The following TC2N variants were observed in gnomAD, a reference collection of about 807,000 sequenced individuals.
TC2N encodes the protein tandem C2 domains, nuclear, also known as tandem C2 domains nuclear protein.
A neutral mutation model predicts 61.9 loss-of-function variants in TC2N; 51 were observed. The observed-to-expected ratio is 0.82, with a 90% CI of 0.66 to 1.04. The LOEUF (loss-of-function observed/expected upper bound fraction) is 1.04, where lower values mean the gene tolerates loss of function less well. Ranked by LOEUF, TC2N falls within the 50% of genes least tolerant of loss-of-function variation. The pLI is 0.00. For synonymous variants in TC2N, 204 were observed against 192.6 expected (o/e 1.06, Z -0.49); for missense variants, 556 against 566.7 (o/e 0.98, Z 0.19).
chr14:91,824,666 G>A (rs575401522), intron 1 of TC2N, among the ~76,000 whole-genome samples: 3 of 152,306 alleles, frequency 2.0e-5, no homozygotes, highest in Admixed American at 6.5e-5. Context: ...CTTTTGGAGC[G>A]CTTACAACAG....
intron 1 of TC2N, among the ~76,000 whole-genome samples, chr14:91,853,278 A>C (rs958132309): frequency 1.3e-5 from 2 of 152,200 alleles, no homozygotes; most frequent in Admixed American, 6.5e-5. Context: ...AGGCAGAGGG[A>C]CCAGGTAACT....
rs201300826 is a variant in TC2N, at chr14:91,791,757, T to TAA, written c.1047+608_1047+609dup. On this transcript the variant is annotated intron_variant, in intron 9 of 11. Coordinates refer to ENST00000435962, the MANE Select transcript of TC2N (RefSeq NM_001128596.3). ...AAGTTATCAGCTACCTAAAAAAACTTAAAAAAAAAAAGGTTATTCATACTT... is the reference window on the plus strand; with the variant it reads ...AAGTTATCAGCTACCTAAAAAAACTTAAAAAAAAAAAAAGGTTATTCATACTT... Among the ~76,000 whole-genome samples the TAA allele has an allele frequency of 6.0e-3, 877 of 145,930 alleles. 27 individuals carry two copies. The South Asian group carries it at 0.081, about 13-fold the overall frequency.
intron 8 of TC2N, 49 bp downstream of exon 8, chr14:91,797,736 T>TAAAA: frequency 3.4e-6 from 3 of 888,848 alleles, no homozygotes; most frequent in East Asian, 2.9e-5. Context: ...GTGACAAATA[T>TAAAA]AAAAAAAAAA....
In TC2N at chr14:91,785,603, C is replaced by T. The variant is rs143221814; in HGVS notation, c.1163-242G>A. Among the ~76,000 whole-genome samples the T allele has an allele frequency of 4.1e-3, 617 of 152,126 alleles. 15 individuals carry two copies. The highest frequency in any genetic ancestry group is 0.038 in the Admixed American group (579 of 15,274). On this transcript the variant is annotated intron_variant, in intron 10 of 11. Transcript: ENST00000435962. Reference sequence around the variant, plus strand: ...AACTTAATCTTTCTGTGGCTGAATGCCATTAAAGACTGGAAATGGAGGCAT... The same window carrying T: ...AACTTAATCTTTCTGTGGCTGAATGTCATTAAAGACTGGAAATGGAGGCAT...
intron 11 of TC2N, 94 bp downstream of exon 11, chr14:91,785,068 T>TTTA: frequency 2.5e-6 from 2 of 810,742 alleles, no homozygotes; most frequent in Non-Finnish European, 3.9e-6. Flanking sequence ...AGAACTGTAC[T>TTTA]CTATTTGACT....
intron 1 of TC2N, among the ~76,000 whole-genome samples, chr14:91,832,892 C>T (rs752895808): frequency 6.6e-6 from 1 of 152,114 alleles, no homozygotes; most frequent in South Asian, 2.1e-4. Flanking sequence ...TGAAATTATG[C>T]GCGGCAATAA....
intron 1 of TC2N, among the ~76,000 whole-genome samples, chr14:91,841,641 C>A (rs987393329): frequency 1.3e-5 from 2 of 152,206 alleles, no homozygotes. Context: ...GAAGTGGCAG[C>A]TATGTATGGA....
chr14:91,845,063 C>G (rs1888242999), intron 1 of TC2N, among the ~76,000 whole-genome samples: 1 of 151,728 alleles, frequency 6.6e-6, no homozygotes, highest in South Asian at 2.1e-4. Context: ...ATGGCGAAAC[C>G]CCGTCTCCAC....
In TC2N at chr14:91,850,198, T is replaced by C. The variant is rs924418457; in HGVS notation, c.-57+17064A>G. Among the ~76,000 whole-genome samples, 11 of 149,024 alleles carry C rather than the reference T, an allele frequency of 7.4e-5. 1 individual carries two copies. In the South Asian group the frequency reaches 1.7e-3, roughly 23 times the overall value. On this transcript the variant is annotated intron_variant, in intron 1 of 11. Coordinates refer to ENST00000435962, the MANE Select transcript of TC2N (RefSeq NM_001128596.3). ...TCTCTTTCCTAAAAAAAAAAAGGGA[T>C]AATTATAATTGTTGCCCTAGCAACC... is the stretch of plus-strand genomic sequence containing the variant.
intron 3 of TC2N, among the ~76,000 whole-genome samples, chr14:91,802,819 G>GA (rs1886325001): frequency 6.6e-6 from 1 of 151,598 alleles, no homozygotes; most frequent in African/African-American, 2.4e-5. Context: ...GATACACCGA[G>GA]AAACTCTCAA....
chr14:91,800,937 G>A (rs907264998), intron 4 of TC2N, among the ~76,000 whole-genome samples: 1 of 113,606 alleles, frequency 8.8e-6, no homozygotes, highest in Admixed American at 9.7e-5. Flanking sequence ...CACTGGTTGA[G>A]AGAGATATAT....
chr14:91,857,129 G>A (rs1888498839), intron 1 of TC2N, among the ~76,000 whole-genome samples: 1 of 152,134 alleles, frequency 6.6e-6, no homozygotes. Context: ...CATTGTAAAG[G>A]CAGTTGGCCC....
At chr14:91,799,162 C>G in intron 5 of TC2N, 98 bp from the exon 6 acceptor site, 1 of 720,406 alleles carries the variant, frequency 1.4e-6, no homozygotes, top group Non-Finnish European at 2.2e-6. Flanking sequence ...AAACTGCATG[C>G]TAACTATTTT....
chr14:91,786,617 T>C (rs1449205215), intron 10 of TC2N, among the ~76,000 whole-genome samples: 2 of 152,192 alleles, frequency 1.3e-5, no homozygotes, highest in Non-Finnish European at 2.9e-5. Context: ...AGAAAGTCAT[T>C]TATTTTACAT....
intron 10 of TC2N, among the ~76,000 whole-genome samples, chr14:91,786,746 T>C (rs74855907): frequency 0.019 from 2,894 of 152,314 alleles, 88 homozygotes; most frequent in African/African-American, 0.065. Flanking sequence ...GTTTTCTCTA[T>C]TTTTTCACTT....
chr14:91,834,681 G>C (rs939411385), intron 1 of TC2N, among the ~76,000 whole-genome samples: 3 of 152,018 alleles, frequency 2.0e-5, no homozygotes, highest in African/African-American at 7.3e-5. Context: ...AAAGACAATA[G>C]GCACGTAATC....
intron 1 of TC2N, among the ~76,000 whole-genome samples, chr14:91,862,559 G>C (rs559802950): frequency 6.6e-6 from 1 of 152,124 alleles, no homozygotes; most frequent in Admixed American, 6.5e-5. Flanking sequence ...GAGCAGCCTC[G>C]AGGCAATTTC....
Position 91,838,043 on chromosome 14 carries a change from A to G in TC2N, c.-56-24218T>C, listed in dbSNP as rs535141296. On this transcript the variant is annotated intron_variant, in intron 1 of 11. Coordinates refer to ENST00000435962, the MANE Select transcript of TC2N (RefSeq NM_001128596.3). ...GTTGAAAATATTTAAAGGTCAGACA[A>G]CCAGTTAGTGGTTGCCCAAACATAC... Among the ~76,000 whole-genome samples the G allele has an allele frequency of 1.5e-4, 23 of 152,332 alleles. No homozygotes were observed. In the South Asian group the frequency reaches 4.6e-3, roughly 30 times the overall value.
chr14:91,822,271 A>G (rs1372895758), intron 1 of TC2N, among the ~76,000 whole-genome samples: 1 of 152,240 alleles, frequency 6.6e-6, no homozygotes, highest in Non-Finnish European at 1.5e-5. Context: ...AGATTAATCC[A>G]TTTAGAAAAC....
Sources: gnomAD v4.1 joint callset for allele counts (sites outside exome capture counted in the v4.1 genomes callset) on GRCh38, gnomAD v4.1.1 for gene constraint, MANE v1.5 for transcripts, NCBI Gene and HGNC (gene_info 2026-07-23, HGNC 2026-07-21) for gene names.